The following PATJ variants were observed in gnomAD, a reference collection of about 807,000 sequenced individuals.
PATJ encodes the protein PATJ crumbs cell polarity complex component, also known as inaD-like protein.
PATJ carries 190 observed loss-of-function variants against 224.9 expected under a neutral mutation model. The ratio of observed to expected loss-of-function variants is 0.84; its 90% CI spans 0.75 to 0.95. The LOEUF is 0.95. Ranked by LOEUF, PATJ falls within the 40% of genes least tolerant of loss-of-function variation. PATJ has a pLI of 0.00. For synonymous variants in PATJ, 769 were observed against 820.3 expected, an observed-to-expected ratio of 0.94 and a Z score of 1.07; for missense variants, 2,121 against 2,270.3, an observed-to-expected ratio of 0.93 and a Z score of 1.34.
intron 33 of PATJ, among the ~76,000 whole-genome samples, chr1:62,106,191 TG>T (rs2148861129): frequency 8.9e-6 from 1 of 112,550 alleles, no homozygotes; most frequent in African/African-American, 3.2e-5. Context: ...TATATATGGC[TG>T]GGCACAGCGG....
At chr1:62,146,605 G>A (rs570874254) in intron 41 of PATJ, among the ~76,000 whole-genome samples, 14 of 151,944 alleles carry the variant, frequency 9.2e-5, no homozygotes, top group African/African-American at 2.4e-4. Flanking sequence ...GAGAAACCCC[G>A]TCTCTACTAA....
intron 14 of PATJ, among the ~76,000 whole-genome samples, chr1:61,816,760 T>G (rs1416416145): frequency 6.6e-6 from 1 of 152,220 alleles, no homozygotes; most frequent in Non-Finnish European, 1.5e-5. Flanking sequence ...TGTAATTTTA[T>G]ACTTTGCTGC....
chr1:61,798,917 C>G (rs1486193823), intron 11 of PATJ, among the ~76,000 whole-genome samples: 3 of 151,870 alleles, frequency 2.0e-5, no homozygotes, highest in Non-Finnish European at 4.4e-5. Context: ...AGTTGTATAA[C>G]TAGGGAGTAA....
chr1:61,824,664 ATTC>A (rs2148733942), intron 15 of PATJ, among the ~76,000 whole-genome samples: 1 of 152,062 alleles, frequency 6.6e-6, no homozygotes, highest in Non-Finnish European at 1.5e-5. Flanking sequence ...GCCTCAAGCA[ATTC>A]TTCTACCTCG....
chr1:62,149,923 G>A (rs1404293074), intron 42 of PATJ, among the ~76,000 whole-genome samples: 1 of 152,132 alleles, frequency 6.6e-6, no homozygotes, highest in African/African-American at 2.4e-5. Flanking sequence ...CAGTTGAGGA[G>A]TAGAGCCACA....
chr1:61,773,444 G>C (rs1646729791), intron 6 of PATJ, among the ~76,000 whole-genome samples: 1 of 152,076 alleles, frequency 6.6e-6, no homozygotes, highest in South Asian at 2.1e-4. Flanking sequence ...TAGGCAGGAG[G>C]GTCATTTGAG....
chr1:61,915,346 A>G (rs950408351), intron 26 of PATJ, among the ~76,000 whole-genome samples: 3 of 152,212 alleles, frequency 2.0e-5, no homozygotes, highest in East Asian at 3.9e-4. Context: ...TCTTTGTTCC[A>G]TTTGATCAAC....
intron 37 of PATJ, among the ~76,000 whole-genome samples, chr1:62,119,273 C>G (rs551674937): frequency 6.6e-6 from 1 of 152,298 alleles, no homozygotes; most frequent in African/African-American, 2.4e-5. Flanking sequence ...AAGGAAATGT[C>G]TTCCCATCAT....
chr1:61,837,789 T>TAAAAA (rs79022630), intron 17 of PATJ, among the ~76,000 whole-genome samples: 2 of 124,950 alleles, frequency 1.6e-5, no homozygotes, highest in Non-Finnish European at 3.3e-5. Context: ...GACTCTGTCT[T>TAAAAA]AAAAAAAAAA....
intron 41 of PATJ, among the ~76,000 whole-genome samples, chr1:62,143,429 A>G: frequency 6.7e-6 from 1 of 148,232 alleles, no homozygotes; most frequent in African/African-American, 2.5e-5. Context: ...ATCACAGACT[A>G]AGCTGGGAAT....
intron 27 of PATJ, among the ~76,000 whole-genome samples, chr1:61,976,205 A>T (rs753090538): frequency 6.6e-6 from 1 of 152,136 alleles, no homozygotes; most frequent in East Asian, 1.9e-4. Flanking sequence ...AGAAGTGAAC[A>T]TAACGTGCTT....
intron 14 of PATJ, among the ~76,000 whole-genome samples, chr1:61,815,246 G>A (rs1188734443): frequency 6.6e-6 from 1 of 152,206 alleles, no homozygotes; most frequent in Non-Finnish European, 1.5e-5. Context: ...TGGGGGAATA[G>A]AAGTTGTTTC....
At chr1:62,015,154 A>G (rs1443807251) in intron 28 of PATJ, among the ~76,000 whole-genome samples, 1 of 151,818 alleles carries the variant, frequency 6.6e-6, no homozygotes, top group African/African-American at 2.4e-5. Context: ...ACAAAAAAAA[A>G]TTAGCCGGGC....
At chr1:62,082,727 T>C (rs1406324489) in intron 32 of PATJ, among the ~76,000 whole-genome samples, 2 of 152,218 alleles carry the variant, frequency 1.3e-5, no homozygotes, top group Non-Finnish European at 2.9e-5. Flanking sequence ...ACTTTATTTA[T>C]AGACACTGAG....
chr1:61,988,627 G>C (rs1007633915), intron 27 of PATJ, among the ~76,000 whole-genome samples: 1 of 152,106 alleles, frequency 6.6e-6, no homozygotes, highest in Non-Finnish European at 1.5e-5. Flanking sequence ...TTCAGTGAGT[G>C]TTCTTTAAGA....
chr1:61,797,067 A>G (rs1570557341), intron 10 of PATJ, among the ~76,000 whole-genome samples: 1 of 152,074 alleles, frequency 6.6e-6, no homozygotes, highest in African/African-American at 2.4e-5. Flanking sequence ...GGGTTTCACC[A>G]TGTTGGCTAG....
intron 31 of PATJ, 45 bp downstream of exon 31, chr1:62,051,103 G>A: frequency 1.5e-6 from 2 of 1,378,408 alleles, no homozygotes; most frequent in Non-Finnish European, 2.1e-6. Context: ...GTTTAGGGAT[G>A]TATCACTTAT....
At chr1:62,123,279 CTG>C (rs1665302182) in intron 39 of PATJ, among the ~76,000 whole-genome samples, 1 of 152,032 alleles carries the variant, frequency 6.6e-6, no homozygotes, top group Non-Finnish European at 1.5e-5. Flanking sequence ...CCACTATATT[CTG>C]TGCTATGTGT....
chr1:61,875,178 C>T, intron 20 of PATJ, 65 bp from the exon 21 acceptor site: 1 of 1,045,102 alleles, frequency 9.6e-7, no homozygotes, highest in Non-Finnish European at 1.4e-6. Flanking sequence ...TTGGCTTGAT[C>T]AACTGTACAG....
Sources: allele counts gnomAD v4.1 joint callset (sites outside exome capture counted in the v4.1 genomes callset), GRCh38; gene constraint gnomAD v4.1.1; transcripts MANE v1.5; gene names NCBI Gene and HGNC (gene_info 2026-07-23, HGNC 2026-07-21).